Variants in CHLSN observed in about 807,000 individuals in gnomAD.
CHLSN encodes the protein protein cholesin.
chr7:1,107,556 G>A, the CHLSN span, among the ~76,000 whole-genome samples: 5,150 of 152,284 alleles, frequency 0.034, 285 homozygotes, highest in African/African-American at 0.12. Flanking sequence ...CCCACAAGCT[G>A]CAAAGCACAT....
chr7:1,076,345 G>C, the CHLSN span: 1 of 155,588 alleles, frequency 6.4e-6, no homozygotes, highest in Non-Finnish European at 1.4e-5. Flanking sequence ...CCAGGGAGGA[G>C]CACCACCAGA....
the CHLSN span, among the ~76,000 whole-genome samples, chr7:1,102,005 G>A: frequency 6.6e-6 from 1 of 152,240 alleles, no homozygotes; most frequent in Non-Finnish European, 1.5e-5. Flanking sequence ...AGAAGGTCTT[G>A]CCCATAGAAG....
the CHLSN span, among the ~76,000 whole-genome samples, chr7:1,132,268 C>A: frequency 6.6e-6 from 1 of 152,188 alleles, no homozygotes; most frequent in South Asian, 2.1e-4. Flanking sequence ...AGTAAAGAGG[C>A]TGAGTGCAGT....
At chr7:1,057,501 G>T in the CHLSN span, 1 of 757,242 alleles carries the variant, frequency 1.3e-6, no homozygotes, top group Non-Finnish European at 2.4e-6. Flanking sequence ...GGGTCGCGGA[G>T]CCTCGCCGGC....
the CHLSN span, among the ~76,000 whole-genome samples, chr7:1,016,994 GCACAGGAGCA>G: frequency 3.6e-4 from 35 of 97,904 alleles, no homozygotes; most frequent in African/African-American, 1.6e-3. Context: ...GCACAGCAGC[GCACAGGAGCA>G]CACAGCAGCA....
At chr7:1,047,123 G>A in the CHLSN span, among the ~76,000 whole-genome samples, 2 of 152,158 alleles carry the variant, frequency 1.3e-5, no homozygotes, top group Non-Finnish European at 2.9e-5. Context: ...CACCCAGTTA[G>A]GGAACAAAAA....
the CHLSN span, among the ~76,000 whole-genome samples, chr7:1,085,876 C>T: frequency 1.3e-5 from 2 of 152,040 alleles, no homozygotes; most frequent in African/African-American, 2.4e-5. Flanking sequence ...GTCTCTATGC[C>T]TTACAAATAG....
At chr7:1,117,357 C>G in the CHLSN span, among the ~76,000 whole-genome samples, 9 of 112,388 alleles carry the variant, frequency 8.0e-5, no homozygotes, top group African/African-American at 3.5e-4. Flanking sequence ...ATGATGACAT[C>G]ACTGCAGCTC....
chr7:1,000,525 C>G, the CHLSN span: 12 of 1,609,518 alleles, frequency 7.5e-6, no homozygotes, highest in Non-Finnish European at 1.0e-5. Flanking sequence ...CTTCTGAAAC[C>G]TCCAGTTCTT....
At chr7:1,106,161 C>T in the CHLSN span, among the ~76,000 whole-genome samples, 47 of 152,338 alleles carry the variant, frequency 3.1e-4, no homozygotes, top group African/African-American at 9.9e-4. Context: ...CTCCCATCCT[C>T]GAGTCCCGCA....
chr7:1,061,374 C>T, the CHLSN span, among the ~76,000 whole-genome samples: 1 of 152,218 alleles, frequency 6.6e-6, no homozygotes, highest in South Asian at 2.1e-4. Flanking sequence ...CTACCTGAGA[C>T]ACTTCACTGT....
chr7:983,461 G>C, the CHLSN span: 1 of 1,336,160 alleles, frequency 7.5e-7, no homozygotes, highest in Non-Finnish European at 9.7e-7. Context: ...GGGAAGCCCA[G>C]CCCGGTTTCC....
the CHLSN span, among the ~76,000 whole-genome samples, chr7:1,075,411 C>G: frequency 6.6e-6 from 1 of 151,752 alleles, no homozygotes; most frequent in African/African-American, 2.4e-5. Context: ...GTAATCCCAG[C>G]TACTGGGGAG....
At chr7:987,725 G>A in the CHLSN span, among the ~76,000 whole-genome samples, 1 of 152,206 alleles carries the variant, frequency 6.6e-6, no homozygotes, top group African/African-American at 2.4e-5. Flanking sequence ...CACTTGGCCT[G>A]GCCAGCAGAC....
the CHLSN span, among the ~76,000 whole-genome samples, chr7:1,067,062 G>A: frequency 6.7e-6 from 1 of 148,258 alleles, no homozygotes; most frequent in Non-Finnish European, 1.5e-5. Flanking sequence ...GGCAGAAGCT[G>A]GAGTACATCC....
chr7:987,903 C>G, the CHLSN span, among the ~76,000 whole-genome samples: 5 of 145,050 alleles, frequency 3.4e-5, no homozygotes, highest in South Asian at 1.1e-3. Context: ...GGGGTCCCCT[C>G]TGTGTGTCCT....
the CHLSN span, among the ~76,000 whole-genome samples, chr7:1,072,295 G>A: frequency 6.6e-6 from 1 of 152,172 alleles, no homozygotes; most frequent in Non-Finnish European, 1.5e-5. Context: ...TGCTGAGGAG[G>A]GCACGGAAAA....
At chr7:1,051,780 C>T in the CHLSN span, among the ~76,000 whole-genome samples, 1 of 152,194 alleles carries the variant, frequency 6.6e-6, no homozygotes. Flanking sequence ...TTGAGACTAG[C>T]CTGGGCAACA....
chr7:1,101,319 A>G, the CHLSN span, among the ~76,000 whole-genome samples: 1 of 152,210 alleles, frequency 6.6e-6, no homozygotes, highest in African/African-American at 2.4e-5. Context: ...TGTGCTGCTG[A>G]GCCCAGGTAC....
Sources: gnomAD v4.1 joint callset for allele counts (sites outside exome capture counted in the v4.1 genomes callset) on GRCh38, gnomAD v4.1.1 for gene constraint, MANE v1.5 for transcripts, NCBI Gene and HGNC (gene_info 2026-07-23, HGNC 2026-07-21) for gene names.